The following SIPA1L2 variants were observed in gnomAD, a reference collection of about 807,000 sequenced individuals.
SIPA1L2 encodes signal induced proliferation associated 1 like 2, also known as signal-induced proliferation-associated 1-like protein 2.
A neutral mutation model predicts 163.9 loss-of-function variants in SIPA1L2; 56 were observed. That is an observed-to-expected ratio of 0.34 (90% CI 0.28 to 0.43). SIPA1L2 has a LOEUF of 0.43. Ranked by LOEUF, SIPA1L2 falls within the 20% of genes least tolerant of loss-of-function variation. SIPA1L2 has a pLI of 1.00. For synonymous variants in SIPA1L2, 877 were observed against 865.7 expected, an observed-to-expected ratio of 1.01 and a Z score of -0.23; for missense variants, 1,974 against 2,193.5, an observed-to-expected ratio of 0.90 and a Z score of 2.00.
chr1:232,580,688 T>C (rs1660327283), intron 1 of SIPA1L2, among the ~76,000 whole-genome samples: 2 of 152,090 alleles, frequency 1.3e-5, no homozygotes, highest in Admixed American at 6.5e-5. Context: ...CAGACCTTTA[T>C]AGGTGTCAGA....
chr1:232,405,701 G>A (rs913865204), intron 19 of SIPA1L2, among the ~76,000 whole-genome samples: 3 of 152,088 alleles, frequency 2.0e-5, no homozygotes, highest in Admixed American at 6.5e-5. Flanking sequence ...GAAAAGGAAT[G>A]GAAAAGAAAA....
intron 1 of SIPA1L2, among the ~76,000 whole-genome samples, chr1:232,616,618 G>A (rs1341003615): frequency 6.6e-6 from 1 of 152,212 alleles, no homozygotes; most frequent in Non-Finnish European, 1.5e-5. Flanking sequence ...CAGCCTACCT[G>A]TCCGGACTTT....
chr1:232,435,436 T>G (rs2102843971), intron 15 of SIPA1L2, among the ~76,000 whole-genome samples: 1 of 152,356 alleles, frequency 6.6e-6, no homozygotes, highest in African/African-American at 2.4e-5. Context: ...AAGTGTTCTC[T>G]GATGCTGATA....
chr1:232,619,139 T>C (rs559508691), intron 1 of SIPA1L2, among the ~76,000 whole-genome samples: 1 of 152,236 alleles, frequency 6.6e-6, no homozygotes, highest in Non-Finnish European at 1.5e-5. Flanking sequence ...ACTGAGAGTG[T>C]TCTGTATGTA....
intron 11 of SIPA1L2, among the ~76,000 whole-genome samples, chr1:232,445,216 G>A (rs1663142490): frequency 6.6e-6 from 1 of 152,206 alleles, no homozygotes; most frequent in African/African-American, 2.4e-5. Context: ...AGAGGCTCCA[G>A]CAGAATAGTT....
At chr1:232,491,541 G>A (rs1404766760) in intron 4 of SIPA1L2, among the ~76,000 whole-genome samples, 1 of 152,136 alleles carries the variant, frequency 6.6e-6, no homozygotes, top group Non-Finnish European at 1.5e-5. Flanking sequence ...CTGAACAGGG[G>A]AGCAGCAGCC....
chr1:232,597,513 TA>T (rs1177076389), intron 1 of SIPA1L2, among the ~76,000 whole-genome samples: 73 of 128,000 alleles, frequency 5.7e-4, no homozygotes, highest in South Asian at 7.4e-4. Flanking sequence ...CCGTCTCTAC[TA>T]AAAAATACCA....
At position 232,477,257 on chromosome 1, in the gene SIPA1L2, A is replaced by C. The variant is rs187530657; in HGVS notation, c.2085+2370T>G. ...TTTCATAATAGATCTTTAGGACTGG[A>C]GACAGGAAAATAAAATGCAAATTAG... On this transcript the variant is annotated intron_variant, in intron 7 of 22. Coordinates refer to ENST00000674635, the MANE Select transcript of SIPA1L2 (RefSeq NM_020808.5). 3.2e-4 allele frequency among the ~76,000 whole-genome samples: 48 copies of C among 152,352 alleles called. No individual in the cohort carries two copies. The East Asian group carries it at 7.9e-3, about 25-fold the overall frequency.
intron 13 of SIPA1L2, 137 bp downstream of exon 13, chr1:232,441,631 G>C (rs1381262503): frequency 3.7e-6 from 3 of 802,822 alleles, no homozygotes; most frequent in Non-Finnish European, 6.1e-6. Context: ...CCTGCATCTG[G>C]AGACCCAGCT....
At chr1:232,563,784 C>T (rs1024433776) in intron 2 of SIPA1L2, among the ~76,000 whole-genome samples, 1 of 147,982 alleles carries the variant, frequency 6.8e-6, no homozygotes, top group Non-Finnish European at 1.5e-5. Context: ...GCATGATCTC[C>T]GCTTCCTGCA....
intron 2 of SIPA1L2, among the ~76,000 whole-genome samples, chr1:232,520,194 C>T (rs1573019267): frequency 6.6e-6 from 1 of 152,156 alleles, no homozygotes; most frequent in South Asian, 2.1e-4. Flanking sequence ...GGTCTTCTCC[C>T]CATAGTTTCC....
At chr1:232,627,787 C>G (rs1355986266) in intron 1 of SIPA1L2, among the ~76,000 whole-genome samples, 1 of 152,224 alleles carries the variant, frequency 6.6e-6, no homozygotes, top group Non-Finnish European at 1.5e-5. Context: ...TGATCTAGCT[C>G]TTGCTTTTCC....
At position 232,514,544 on chromosome 1, in the gene SIPA1L2, T is replaced by C; in HGVS notation, c.796A>G (p.Ser266Gly). The C allele has an allele frequency of 6.2e-7, 1 of 1,614,222 alleles. No individual in the cohort carries two copies. The highest frequency in any genetic ancestry group is 8.5e-7 in the Non-Finnish European group (1 of 1,180,036). ...VRISGLDYVD[S>G]ALLMGRDRDK... ...CTGTCTCTCCCCATCAGGAGGGCAC[T>C]GTCCACATAATCTAATCCTGAGATG... Residue 266 changes from serine to glycine, a missense_variant, in exon 3 of 23, where the codon AGT (serine) becomes GGT (glycine). By Grantham distance (56) the Ser-to-Gly change is moderately conservative (BLOSUM62 0). This residue lies in a region of SIPA1L2 where 607 missense variants were observed against 624.0 expected (regional missense o/e 0.97). Coordinates refer to ENST00000674635, the MANE Select transcript of SIPA1L2 (RefSeq NM_020808.5).
chr1:232,585,344 A>C (rs1264411358), intron 1 of SIPA1L2, among the ~76,000 whole-genome samples: 1 of 152,194 alleles, frequency 6.6e-6, no homozygotes, highest in Admixed American at 6.5e-5. Flanking sequence ...TTCTCCCCAC[A>C]GTAAAAGAAG....
rs1478108817 is a variant in SIPA1L2 at position 232,493,654 on chromosome 1, T to C, written c.1490A>G (p.Gln497Arg). The C allele has an allele frequency of 1.2e-6, 2 of 1,613,980 alleles. No homozygotes were observed. Among genetic ancestry groups the C allele is most frequent in the East Asian group, 4.5e-5 (2 of 44,866 alleles). Reference protein sequence around the residue: ...YRKFFYGKEHQNYFGIDENLG... With the variant: ...YRKFFYGKEHRNYFGIDENLG... ...GTTTTCATCTATTCCAAAGTAGTTT[T>C]GGTGCTCTATAATGGAAGAGAGAGG... is the stretch of plus-strand genomic sequence containing the variant. The change falls in exon 4 of 23, where the codon CAA becomes CGA. Residue 497 changes from glutamine to arginine, a missense_variant. This residue lies in a region of SIPA1L2 where 607 missense variants were observed against 624.0 expected (regional missense o/e 0.97). Coordinates refer to ENST00000674635, the MANE Select transcript of SIPA1L2 (RefSeq NM_020808.5).
intron 10 of SIPA1L2, among the ~76,000 whole-genome samples, chr1:232,458,912 C>G (rs1443823558): frequency 6.6e-6 from 1 of 152,120 alleles, no homozygotes; most frequent in Non-Finnish European, 1.5e-5. Context: ...TCTGGAAAAG[C>G]AGACAGATTC....
chr1:232,400,375 G>A (rs1660262859), intron 22 of SIPA1L2, among the ~76,000 whole-genome samples: 1 of 152,230 alleles, frequency 6.6e-6, no homozygotes, highest in East Asian at 1.9e-4. Flanking sequence ...CCATGAACTT[G>A]GATTCTGCCA....
rs59155660 is a variant in SIPA1L2 at position 232,525,401 on chromosome 1, ATTTTT to A, written c.-269-9798_-269-9794del. Among the ~76,000 whole-genome samples the A allele has an allele frequency of 4.7e-4, 60 of 127,660 alleles. No individual in the cohort carries two copies. The Middle Eastern group carries it at 0.015, about 32-fold the overall frequency. 83.7% of individuals were successfully genotyped at this position (127,660 alleles called of 152,430 possible). A position where few individuals can be genotyped will look rare whatever the true frequency, so the allele number is the denominator to read the frequency against. ...CAGGCACCCGCCACCAAGCCTGGCT[ATTTTT>A]TTTTTTTTTTTTTTTTTTTTTGTAT... On this transcript the variant is annotated intron_variant, in intron 2 of 22. Transcript: ENST00000674635.
At chr1:232,586,770 G>C (rs916632261) in intron 1 of SIPA1L2, among the ~76,000 whole-genome samples, 3 of 152,216 alleles carry the variant, frequency 2.0e-5, no homozygotes, top group African/African-American at 7.2e-5. Context: ...ATGCGAAACT[G>C]CTGGGAAAAC....
Sources: gnomAD v4.1 joint callset for allele counts (sites outside exome capture counted in the v4.1 genomes callset) on GRCh38, gnomAD v4.1.1 for gene constraint, gnomAD v4.1.1 regional missense constraint, MANE v1.5 for transcripts, NCBI Gene and HGNC (gene_info 2026-07-23, HGNC 2026-07-21) for gene names.